ABCA13: variants seen among roughly 807,000 people sequenced by gnomAD.
The protein encoded by ABCA13 is ATP binding cassette subfamily A member 13, also known as ATP-binding cassette sub-family A member 13.
Under a neutral mutation model 478.7 loss-of-function variants are expected in ABCA13, and 476 were observed. That is an observed-to-expected ratio of 0.99 (90% CI 0.92 to 1.07). ABCA13 has a LOEUF of 1.07. Ranked by LOEUF, ABCA13 falls within the 50% of genes least tolerant of loss-of-function variation. The probability of loss-of-function intolerance (pLI) is 0.00; values close to 1 mark genes in which losing one functional copy is unlikely to be tolerated. For synonymous variants in ABCA13, 2,252 were observed against 2,158.9 expected (o/e 1.04, Z -1.20); for missense variants, 6,060 against 5,910.6 (o/e 1.03, Z -0.83).
At chr7:48,228,993 A>G (rs1788662001) in intron 6 of ABCA13, among the ~76,000 whole-genome samples, 1 of 152,202 alleles carries the variant, frequency 6.6e-6, no homozygotes, top group Non-Finnish European at 1.5e-5. Context: ...CTGCATTCAT[A>G]GAAGTATTTG....
At chr7:48,293,192 G>GCCGC (rs1554419600) in intron 20 of ABCA13, among the ~76,000 whole-genome samples, 1 of 108,280 alleles carries the variant, frequency 9.2e-6, no homozygotes, top group Non-Finnish European at 2.0e-5. Flanking sequence ...GAAGTCTTCA[G>GCCGC]CCCCCCCCCC....
rs186345875 is a variant in ABCA13 at position 48,498,716 on chromosome 7, T to A, written c.13292-7620T>A. Among the ~76,000 whole-genome samples, 203 of 152,328 alleles carry A rather than the reference T, an allele frequency of 1.3e-3. 2 individuals are homozygous for A. The highest frequency in any genetic ancestry group is 4.8e-3 in the African/African-American group (198 of 41,578). ...TACACAGGCCACAGAGATATGCTCATATAGAATGTGGCTCAAAAATATACT... is the reference window on the plus strand; with the variant it reads ...TACACAGGCCACAGAGATATGCTCAAATAGAATGTGGCTCAAAAATATACT... On this transcript the variant is annotated intron_variant, in intron 48 of 61. Transcript: ENST00000435803.
intron 40 of ABCA13, among the ~76,000 whole-genome samples, chr7:48,411,373 A>G (rs1190697314): frequency 7.2e-6 from 1 of 139,308 alleles, no homozygotes; most frequent in Non-Finnish European, 1.6e-5. Context: ...CAGTGGTACA[A>G]CCTCTGTTCA....
intron 44 of ABCA13, among the ~76,000 whole-genome samples, chr7:48,468,018 C>T (rs987751228): frequency 2.4e-4 from 37 of 152,136 alleles, no homozygotes; most frequent in African/African-American, 8.4e-4. Context: ...TGATGGAATA[C>T]ACAGGGTGTA....
At chr7:48,462,283 A>T (rs4917146) in intron 43 of ABCA13, among the ~76,000 whole-genome samples, 1 of 151,928 alleles carries the variant, frequency 6.6e-6, no homozygotes, top group African/African-American at 2.4e-5. Context: ...AGGCATTAAG[A>T]AGTTCTAAAG....
At position 48,520,105 on chromosome 7, in the gene ABCA13, G is replaced by A. The variant is rs1408594503; in HGVS notation, c.13862G>A (p.Gly4621Asp). 4 of 1,613,438 alleles carry A rather than the reference G, an allele frequency of 2.5e-6. No homozygotes were observed. The highest frequency in any genetic ancestry group is 1.7e-5 in the Admixed American group (1 of 59,960). The change falls in exon 53 of 62, where the codon GGT becomes GAT. Residue 4621 changes from glycine (G) to aspartate (D), a missense_variant. Gly to Asp is a moderately conservative substitution (Grantham distance 94). Transcript: ENST00000435803. Reference protein sequence around the residue: ...VFTIFPQFCLGQGLVELCYNQ... With the variant: ...VFTIFPQFCLDQGLVELCYNQ... ...ACTATTTTTCCTCAATTCTGTCTTG[G>A]TCAAGGACTGGTAGAACTCTGCTAT...
At chr7:48,248,832 A>G (rs766185202) in intron 14 of ABCA13, among the ~76,000 whole-genome samples, 14 of 152,190 alleles carry the variant, frequency 9.2e-5, no homozygotes, top group Non-Finnish European at 1.8e-4. Flanking sequence ...TGTGAATTAT[A>G]TGTGTGATCA....
chr7:48,458,954 G>A (rs920429702), intron 43 of ABCA13, among the ~76,000 whole-genome samples: 3 of 152,190 alleles, frequency 2.0e-5, no homozygotes, highest in African/African-American at 7.2e-5. Flanking sequence ...GGAGAAGTAT[G>A]GAGCATGTCT....
intron 42 of ABCA13, among the ~76,000 whole-genome samples, chr7:48,448,918 C>T (rs950795200): frequency 9.9e-5 from 15 of 152,184 alleles, no homozygotes; most frequent in Admixed American, 6.5e-4. Context: ...TCTTGGCTCA[C>T]GGTAACCTCT....
chr7:48,245,925 G>C lies in ABCA13; in HGVS notation c.1554G>C (p.Pro518=), dbSNP rs771401651. The C allele has an allele frequency of 6.2e-7, 1 of 1,613,348 alleles. No homozygotes were observed. The change falls in exon 13 of 62, where the codon CCG becomes CCC. Residue 518 remains proline (P), a synonymous_variant. Coordinates refer to ENST00000435803, the MANE Select transcript of ABCA13 (RefSeq NM_152701.5). ...GRFSEKEVFL[P]PGNSSIWGGL... is the part of the protein sequence containing the mutation. Reference sequence around the variant, plus strand: ...TCTCTGAGAAGGAGGTCTTTTTGCCGCCTGGAAACTCCAGCATATGGGGTG... The same window carrying C: ...TCTCTGAGAAGGAGGTCTTTTTGCCCCCTGGAAACTCCAGCATATGGGGTG...
At chr7:48,461,440 C>G (rs898867672) in intron 43 of ABCA13, among the ~76,000 whole-genome samples, 4 of 152,200 alleles carry the variant, frequency 2.6e-5, no homozygotes, top group African/African-American at 9.7e-5. Flanking sequence ...GTAACTCGCC[C>G]ATGGTCCTTT....
intron 42 of ABCA13, among the ~76,000 whole-genome samples, chr7:48,449,531 C>T (rs1036879674): frequency 3.3e-5 from 5 of 152,142 alleles, no homozygotes; most frequent in African/African-American, 4.8e-5. Context: ...TCAGGGTTAG[C>T]CAGGGCTGGA....
chr7:48,541,447 A>T (rs1833935822), intron 55 of ABCA13, among the ~76,000 whole-genome samples: 1 of 152,078 alleles, frequency 6.6e-6, no homozygotes, highest in Non-Finnish European at 1.5e-5. Context: ...CCGAGTATTA[A>T]GTTAGGGGCT....
intron 55 of ABCA13, among the ~76,000 whole-genome samples, chr7:48,564,103 C>A (rs1786772141): frequency 6.6e-6 from 1 of 152,036 alleles, no homozygotes; most frequent in South Asian, 2.1e-4. Flanking sequence ...AGCATCATGG[C>A]ATGAGACTAG....
chr7:48,234,377 G>A, intron 8 of ABCA13: 2 of 590,430 alleles, frequency 3.4e-6, no homozygotes, highest in South Asian at 3.7e-5. Context: ...TGGAAAGGCA[G>A]CTTAGAAATA....
Position 48,372,268 on chromosome 7 carries a change from T to C in ABCA13, c.10904T>C (p.Val3635Ala). The change falls in exon 33 of 62, where the codon GTT (valine) becomes GCT (alanine). Residue 3635 changes from valine (V) to alanine (A), a missense_variant. Val to Ala is a moderately conservative substitution (Grantham distance 64). Coordinates refer to ENST00000435803, the MANE Select transcript of ABCA13 (RefSeq NM_152701.5). ...ATAAGCAGTGCTACTCTGGCCATCGTTCTGAAAACAAGTGGCATCTTTGCA... is the reference window on the plus strand; with the variant it reads ...ATAAGCAGTGCTACTCTGGCCATCGCTCTGAAAACAAGTGGCATCTTTGCA... ...LTISSATLAIVLKTSGIFAHS... is the reference protein window; with the variant it reads ...LTISSATLAIALKTSGIFAHS... The C allele has an allele frequency of 6.2e-7, 1 of 1,614,006 alleles. No individual in the cohort carries two copies. Among genetic ancestry groups the C allele is most frequent in the Non-Finnish European group, 8.5e-7 (1 of 1,179,876 alleles).
chr7:48,206,606 T>TA (rs201808412), intron 3 of ABCA13, among the ~76,000 whole-genome samples: 738 of 144,660 alleles, frequency 5.1e-3, no homozygotes, highest in Non-Finnish European at 9.2e-3. Context: ...GGTTAATTTT[T>TA]AAAAAAAATT....
At chr7:48,482,655 A>G (rs1828894152) in intron 46 of ABCA13, among the ~76,000 whole-genome samples, 1 of 152,076 alleles carries the variant, frequency 6.6e-6, no homozygotes, top group Non-Finnish European at 1.5e-5. Context: ...CGGCCTCCCA[A>G]CGTGCTGGGA....
intron 43 of ABCA13, among the ~76,000 whole-genome samples, chr7:48,458,260 A>G (rs1439896867): frequency 6.6e-6 from 1 of 152,236 alleles, no homozygotes; most frequent in Non-Finnish European, 1.5e-5. Context: ...AAAGGGGCCC[A>G]GATTTTCACA....
Sources: gnomAD v4.1 joint callset for allele counts (sites outside exome capture counted in the v4.1 genomes callset) on GRCh38, gnomAD v4.1.1 for gene constraint, MANE v1.5 for transcripts, NCBI Gene and HGNC (gene_info 2026-07-23, HGNC 2026-07-21) for gene names.